Variants in PPFIA2 observed in about 807,000 individuals in gnomAD.
PPFIA2 encodes the protein PPFI scaffold protein A2.
A neutral mutation model predicts 175.5 loss-of-function variants in PPFIA2; 46 were observed. The ratio of observed to expected loss-of-function variants is 0.26; its 90% CI spans 0.21 to 0.34. The LOEUF (loss-of-function observed/expected upper bound fraction) is 0.34. Among genes scored for constraint, PPFIA2 ranks in the 10% least tolerant of loss-of-function variants. The pLI, the probability that PPFIA2 is intolerant of heterozygous loss-of-function variation, is 1.00. For synonymous variants in PPFIA2, 568 were observed against 511.4 expected, an observed-to-expected ratio of 1.11 and a Z score of -1.49; for missense variants, 1,179 against 1,506.1, an observed-to-expected ratio of 0.78 and a Z score of 3.60.
chr12:81,362,770 T>C lies in PPFIA2; in HGVS notation c.1560A>G (p.Glu520=). The change falls in exon 15 of 33, where the codon GAA becomes GAG. Residue 520 remains glutamate (E), a synonymous_variant. Transcript: ENST00000549396. ...ESLHDKERLA[E]EIEKLRSELD... ...GTTCAGATCTCAGCTTTTCAATTTC[T>C]TCTGCTAATCTTTCCTAAAAAATCA... 1 of 1,545,250 alleles carries C rather than the reference T, an allele frequency of 6.5e-7. No individual in the cohort carries two copies. The highest frequency in any genetic ancestry group is 1.4e-5 in the African/African-American group (1 of 72,968).
intron 4 of PPFIA2, among the ~76,000 whole-genome samples, chr12:81,670,323 T>C (rs1379484877): frequency 2.0e-5 from 3 of 151,850 alleles, no homozygotes; most frequent in Admixed American, 6.6e-5. Flanking sequence ...TGAATGTAGA[T>C]AGAAAACATT....
At chr12:81,744,317 T>C (rs1409874482) in intron 3 of PPFIA2, among the ~76,000 whole-genome samples, 1 of 152,132 alleles carries the variant, frequency 6.6e-6, no homozygotes, top group African/African-American at 2.4e-5. Context: ...TTAAATTCAG[T>C]ATAATTATAT....
At chr12:81,377,600 C>A (rs1231148760) in intron 9 of PPFIA2, among the ~76,000 whole-genome samples, 1 of 151,782 alleles carries the variant, frequency 6.6e-6, no homozygotes, top group Non-Finnish European at 1.5e-5. Flanking sequence ...TGAAACTCAT[C>A]ATGTTGTCCC....
chr12:81,686,273 C>T (rs556133260), intron 3 of PPFIA2, among the ~76,000 whole-genome samples: 1 of 152,000 alleles, frequency 6.6e-6, no homozygotes. Flanking sequence ...GAGCTGAGAA[C>T]ATCAGATTTA....
At chr12:81,372,803 A>T (rs1041135227) in intron 11 of PPFIA2, among the ~76,000 whole-genome samples, 1 of 151,768 alleles carries the variant, frequency 6.6e-6, no homozygotes, top group Non-Finnish European at 1.5e-5. Flanking sequence ...TAAAAAGGAG[A>T]GTGAATCAGA....
At chr12:81,585,087 A>T (rs2075124198) in intron 4 of PPFIA2, among the ~76,000 whole-genome samples, 1 of 127,234 alleles carries the variant, frequency 7.9e-6, no homozygotes, top group African/African-American at 2.9e-5. Flanking sequence ...AATATATATA[A>T]TATATAAAAG....
intron 3 of PPFIA2, among the ~76,000 whole-genome samples, chr12:81,693,045 C>G (rs2075443729): frequency 6.6e-6 from 1 of 151,986 alleles, no homozygotes; most frequent in Non-Finnish European, 1.5e-5. Flanking sequence ...ACCTGAAATA[C>G]TTTCTAACAT....
intron 3 of PPFIA2, among the ~76,000 whole-genome samples, chr12:81,708,096 G>A (rs1381590767): frequency 8.6e-5 from 13 of 150,426 alleles, no homozygotes; most frequent in Admixed American, 1.3e-4. Context: ...TGGGTGCAGC[G>A]CACCAGCATG....
chr12:81,407,657 C>T (rs2043184681), intron 7 of PPFIA2, among the ~76,000 whole-genome samples: 1 of 152,066 alleles, frequency 6.6e-6, no homozygotes, highest in African/African-American at 2.4e-5. Context: ...CTTTCCATCC[C>T]TCAAACATAT....
chr12:81,608,093 C>A (rs146030845), intron 4 of PPFIA2, among the ~76,000 whole-genome samples: 3 of 152,156 alleles, frequency 2.0e-5, no homozygotes, highest in African/African-American at 7.2e-5. Context: ...TGATGAATCA[C>A]ATTTACTCAT....
Position 81,526,447 on chromosome 12 carries a change from C to A in PPFIA2, c.304-68581G>T, listed in dbSNP as rs114455171. On this transcript the variant is annotated intron_variant, in intron 4 of 32. Transcript: ENST00000549396. ...CCTGTACCACCATTGCTGAATCCTGCCTTATTTCTGGATTTGAGTCACCAG... is the reference window on the plus strand; with the variant it reads ...CCTGTACCACCATTGCTGAATCCTGACTTATTTCTGGATTTGAGTCACCAG... 1.6e-3 allele frequency among the ~76,000 whole-genome samples: 238 copies of A among 152,212 alleles called. 2 individuals carry two copies. The highest frequency in any genetic ancestry group is 5.2e-3 in the African/African-American group (217 of 41,520).
At chr12:81,507,628 C>T (rs1225213618) in intron 4 of PPFIA2, among the ~76,000 whole-genome samples, 2 of 152,158 alleles carry the variant, frequency 1.3e-5, no homozygotes, top group Non-Finnish European at 2.9e-5. Context: ...AGCATATAAC[C>T]ACTAGCAACC....
rs1056362888 is a variant in PPFIA2, at chr12:81,743,139, C to T, written c.249+10834G>A. On this transcript the variant is annotated intron_variant, in intron 3 of 32. Coordinates refer to ENST00000549396, the MANE Select transcript of PPFIA2 (RefSeq NM_003625.5). ...TAGCCAATTAAAAAAACAAACAAGG[C>T]TGGGCATGGTGGCTCACGCCTGTAA... is the stretch of plus-strand genomic sequence containing the variant. Among the ~76,000 whole-genome samples the T allele has an allele frequency of 3.3e-5, 5 of 152,106 alleles. No homozygotes were observed. The South Asian group carries it at 1.0e-3, about 32-fold the overall frequency.
intron 3 of PPFIA2, among the ~76,000 whole-genome samples, chr12:81,723,295 T>TACAGAAAATGCACAGCCA (rs1340085771): frequency 2.0e-5 from 3 of 151,102 alleles, no homozygotes; most frequent in African/African-American, 7.3e-5. Flanking sequence ...TTTGCCAGTC[T>TACAGAAAATGCACAGCCA]ACAGAAAATG....
chr12:81,720,975 A>G (rs2153629132), intron 3 of PPFIA2, among the ~76,000 whole-genome samples: 1 of 151,338 alleles, frequency 6.6e-6, no homozygotes, highest in East Asian at 1.9e-4. Context: ...ATAACAAATC[A>G]GTTAAAATCG....
intron 4 of PPFIA2, among the ~76,000 whole-genome samples, chr12:81,572,083 C>T (rs1263851505): frequency 1.3e-5 from 2 of 152,082 alleles, no homozygotes; most frequent in African/African-American, 4.8e-5. Flanking sequence ...CACCTTGTCA[C>T]TCTGCTACAG....
intron 3 of PPFIA2, among the ~76,000 whole-genome samples, chr12:81,715,140 T>C (rs957125338): frequency 2.6e-5 from 4 of 151,134 alleles, no homozygotes; most frequent in Non-Finnish European, 4.4e-5. Flanking sequence ...ACAAGAACCC[T>C]GGAACATACA....
intron 29 of PPFIA2, chr12:81,267,333 TAA>T: frequency 2.4e-6 from 1 of 410,384 alleles, no homozygotes; most frequent in Non-Finnish European, 4.6e-6. Context: ...AAAAACAAAA[TAA>T]AAAGTGAAAC....
intron 3 of PPFIA2, among the ~76,000 whole-genome samples, chr12:81,707,041 A>C (rs980410958): frequency 4.6e-5 from 7 of 152,172 alleles, no homozygotes; most frequent in African/African-American, 1.4e-4. Flanking sequence ...TAAAGACTTA[A>C]ACGTTAGACC....
Sources: gnomAD v4.1 joint callset for allele counts (sites outside exome capture counted in the v4.1 genomes callset) on GRCh38, gnomAD v4.1.1 for gene constraint, MANE v1.5 for transcripts, NCBI Gene and HGNC (gene_info 2026-07-23, HGNC 2026-07-21) for gene names.